The following PAPPA2 variants were observed in gnomAD, a reference collection of about 807,000 sequenced individuals.
The protein encoded by PAPPA2 is pappalysin-2.
In PAPPA2, 86 loss-of-function variants were observed where a neutral mutation model predicts 176.4. The observed-to-expected ratio is 0.49, with a 90% confidence interval of 0.41 to 0.58. The LOEUF is 0.58. Among genes scored for constraint, PAPPA2 ranks in the 20% least tolerant of loss-of-function variants. PAPPA2 has a pLI of 0.00. For missense variants in PAPPA2, 2,073 were observed against 2,256.9 expected, an observed-to-expected ratio of 0.92 and a Z score of 1.65; for synonymous variants, 809 against 852.2, an observed-to-expected ratio of 0.95 and a Z score of 0.88.
chr1:176,803,753 T>C (rs537405153), intron 21 of PAPPA2, among the ~76,000 whole-genome samples: 41 of 152,242 alleles, frequency 2.7e-4, no homozygotes, highest in Non-Finnish European at 5.4e-4. Flanking sequence ...TCTCTTCTGC[T>C]AAAAATATCT....
intron 4 of PAPPA2, among the ~76,000 whole-genome samples, chr1:176,683,005 A>AAGCT (rs1659659399): frequency 7.1e-6 from 1 of 140,462 alleles, no homozygotes; most frequent in Non-Finnish European, 1.5e-5. Context: ...AAGTTGCCCA[A>AAGCT]AGCTATTTAT....
At chr1:176,564,698 G>A (rs1651857551) in intron 2 of PAPPA2, among the ~76,000 whole-genome samples, 1 of 146,390 alleles carries the variant, frequency 6.8e-6, no homozygotes, top group Admixed American at 6.8e-5. Flanking sequence ...TCCAGGCAGA[G>A]TTTATATTTA....
chr1:176,521,834 G>A (rs563443160), intron 1 of PAPPA2, among the ~76,000 whole-genome samples: 4 of 152,186 alleles, frequency 2.6e-5, no homozygotes, highest in Admixed American at 6.5e-5. Flanking sequence ...AAGATTTGGG[G>A]GGACTTTGAT....
intron 12 of PAPPA2, among the ~76,000 whole-genome samples, chr1:176,722,230 T>C (rs570905077): frequency 6.6e-6 from 1 of 152,232 alleles, no homozygotes; most frequent in South Asian, 2.1e-4. Flanking sequence ...TCGTATTTAT[T>C]TGGGCATTTC....
intron 19 of PAPPA2, among the ~76,000 whole-genome samples, chr1:176,792,373 G>A (rs1162657524): frequency 6.6e-6 from 1 of 152,216 alleles, no homozygotes; most frequent in African/African-American, 2.4e-5. Flanking sequence ...ATGCCAATGA[G>A]TATAATTTGC....
intron 10 of PAPPA2, 70 bp downstream of exon 10, chr1:176,706,520 T>A (rs1341321195): frequency 7.6e-7 from 1 of 1,322,518 alleles, no homozygotes; most frequent in Admixed American, 1.8e-5. Flanking sequence ...GAGTTCTTGA[T>A]ATCCTGTAAC....
Position 176,789,969 on chromosome 1 carries a change from C to T in PAPPA2, c.4876C>T (p.Arg1626Cys), listed in dbSNP as rs751301758. The T allele has an allele frequency of 1.2e-4, 190 of 1,613,808 alleles. No individual in the cohort carries two copies. Among genetic ancestry groups the T allele is most frequent in the Non-Finnish European group, 1.5e-4 (181 of 1,179,924 alleles). The change falls in exon 18 of 23, where the codon CGT becomes TGT. Residue 1626 changes from arginine (R) to cysteine (C), a missense_variant. Physicochemically the swap from Arg to Cys is radical, Grantham distance 180 (BLOSUM62 -3). Transcript: ENST00000367662. ...SQCVLNCNQEREKLPILCTKE... is the reference protein window; with the variant it reads ...SQCVLNCNQECEKLPILCTKE... The stretch of plus-strand genomic sequence containing the variant: ...GTGTGTGCTCAACTGTAACCAGGAA[C>T]GTGAAAAGGTAAGGAACATTTTTTG...
chr1:176,762,474 T>A (rs1663743635), intron 14 of PAPPA2, among the ~76,000 whole-genome samples: 1 of 152,210 alleles, frequency 6.6e-6, no homozygotes, highest in South Asian at 2.1e-4. Context: ...ATGGATTAAT[T>A]GGACGAAGTC....
chr1:176,657,495 C>G (rs546585793), intron 3 of PAPPA2, among the ~76,000 whole-genome samples: 1 of 151,898 alleles, frequency 6.6e-6, no homozygotes, highest in Non-Finnish European at 1.5e-5. Context: ...AGTTTGTATT[C>G]AAGGAGTGCA....
intron 21 of PAPPA2, among the ~76,000 whole-genome samples, chr1:176,819,852 A>G (rs1188727498): frequency 6.6e-6 from 1 of 152,206 alleles, no homozygotes; most frequent in Non-Finnish European, 1.5e-5. Context: ...TAAAGCCTGG[A>G]ACTAGTTTTT....
intron 3 of PAPPA2, among the ~76,000 whole-genome samples, chr1:176,656,259 G>T (rs1658024534): frequency 6.6e-6 from 1 of 151,796 alleles, no homozygotes; most frequent in Non-Finnish European, 1.5e-5. Flanking sequence ...TCCTAGGTTT[G>T]CTGATATTGC....
chr1:176,672,575 CAA>C (rs879672713), intron 4 of PAPPA2, among the ~76,000 whole-genome samples: 4 of 136,236 alleles, frequency 2.9e-5, no homozygotes, highest in Middle Eastern at 3.4e-3. Context: ...AGCGATAGAC[CAA>C]AAAAAAAAAG....
intron 1 of PAPPA2, among the ~76,000 whole-genome samples, chr1:176,532,914 C>T (rs1649891410): frequency 6.6e-6 from 1 of 152,222 alleles, no homozygotes; most frequent in Non-Finnish European, 1.5e-5. Context: ...CTGCACTAGG[C>T]TTCCAGCCCC....
In PAPPA2 at chr1:176,595,525, G is replaced by T; in HGVS notation, c.1921G>T (p.Asp641Tyr). The T allele has an allele frequency of 6.2e-7, 1 of 1,614,162 alleles. No homozygotes were observed. The highest frequency in any genetic ancestry group is 8.5e-7 in the Non-Finnish European group (1 of 1,180,040). The change falls in exon 3 of 23, where the codon GAC becomes TAC. Residue 641 changes from aspartate to tyrosine, a missense_variant. Coordinates refer to ENST00000367662, the MANE Select transcript of PAPPA2 (RefSeq NM_020318.3). Reference protein sequence around the residue: ...ECNNMLNDFDDGDCCDPQVAD... With the variant: ...ECNNMLNDFDYGDCCDPQVAD... ...TAACAACATGCTGAACGACTTTGAC[G>T]ACGGAGACTGCTGCGACCCCCAGGT... is the stretch of plus-strand genomic sequence containing the variant.
chr1:176,750,954 T>C (rs1030321793), intron 14 of PAPPA2, among the ~76,000 whole-genome samples: 5 of 152,108 alleles, frequency 3.3e-5, no homozygotes, highest in African/African-American at 7.2e-5. Context: ...GGTTTTCTTC[T>C]AGGGTTTTTA....
At chr1:176,517,895 G>T (rs879351623) in intron 1 of PAPPA2, among the ~76,000 whole-genome samples, 14 of 152,068 alleles carry the variant, frequency 9.2e-5, no homozygotes, top group South Asian at 4.1e-4. Flanking sequence ...ATTTTTGAAA[G>T]CAGGTTTCAG....
At chr1:176,721,992 C>A (rs1661645939) in intron 12 of PAPPA2, among the ~76,000 whole-genome samples, 1 of 152,060 alleles carries the variant, frequency 6.6e-6, no homozygotes, top group South Asian at 2.1e-4. Flanking sequence ...TTTCAATAAT[C>A]CCAAATTTTG....
At chr1:176,605,646 G>C (rs1324771303) in intron 3 of PAPPA2, among the ~76,000 whole-genome samples, 1 of 152,122 alleles carries the variant, frequency 6.6e-6, no homozygotes, top group African/African-American at 2.4e-5. Flanking sequence ...TAGTACCTTG[G>C]TTCAAATTCT....
chr1:176,615,494 C>A (rs1558473883), intron 3 of PAPPA2, among the ~76,000 whole-genome samples: 2 of 151,572 alleles, frequency 1.3e-5, no homozygotes, highest in African/African-American at 2.4e-5. Context: ...TTTCTTTTTT[C>A]TTTTTTGTAT....
Sources: allele counts gnomAD v4.1 joint callset (sites outside exome capture counted in the v4.1 genomes callset), GRCh38; gene constraint gnomAD v4.1.1; transcripts MANE v1.5; gene names NCBI Gene and HGNC (gene_info 2026-07-23, HGNC 2026-07-21).